MAP3K4: variants seen among roughly 807,000 people sequenced by gnomAD.
The protein encoded by MAP3K4 is mitogen-activated protein kinase kinase kinase 4, also known as MAP three kinase 1.
Under a neutral mutation model 185.6 loss-of-function variants are expected in MAP3K4, and 67 were observed. That is an observed-to-expected ratio of 0.36 (90% confidence interval 0.30 to 0.44). The LOEUF is 0.44. Among genes scored for constraint, MAP3K4 ranks in the 20% least tolerant of loss-of-function variants. The pLI, the probability that MAP3K4 is intolerant of heterozygous loss-of-function variation, is 1.00. For missense variants in MAP3K4, 1,551 were observed against 1,995.1 expected (o/e 0.78, Z 4.24); for synonymous variants, 702 against 710.4 (o/e 0.99, Z 0.19).
chr6:161,066,074 C>G (rs1352533083), intron 3 of MAP3K4, among the ~76,000 whole-genome samples: 1 of 152,062 alleles, frequency 6.6e-6, no homozygotes, highest in Non-Finnish European at 1.5e-5. Flanking sequence ...GATGCGCAAC[C>G]TATATAAGTT....
In MAP3K4 at chr6:161,091,361, A is replaced by G; in HGVS notation, c.2974-18A>G. 1 of 1,599,344 alleles carries G rather than the reference A, an allele frequency of 6.3e-7. No individual in the cohort carries two copies. Among genetic ancestry groups the G allele is most frequent in the Non-Finnish European group, 8.5e-7 (1 of 1,172,574 alleles). On this transcript the variant is annotated intron_variant, in intron 11 of 26. Coordinates refer to ENST00000392142, the MANE Select transcript of MAP3K4 (RefSeq NM_005922.4). The surrounding 1 kb of genome is among the most constrained non-coding windows in gnomAD (Gnocchi z 5.5). Reference sequence around the variant, plus strand: ...TGATTTGCTTCATTTTGCATTAATCATGGTTTGGACTCTTCAGAATGATGC... The same window carrying G: ...TGATTTGCTTCATTTTGCATTAATCGTGGTTTGGACTCTTCAGAATGATGC...
chr6:161,101,773 T>A lies in MAP3K4; in HGVS notation c.3675-119T>A, dbSNP rs1777849339. ...GTCTAATACATTGCTGGAGGCAGAGTTGTTCCTGGCAGGCAGAGTTGCCCC... is the reference window on the plus strand; with the variant it reads ...GTCTAATACATTGCTGGAGGCAGAGATGTTCCTGGCAGGCAGAGTTGCCCC... On this transcript the variant is annotated intron_variant, in intron 17 of 26. Coordinates refer to ENST00000392142, the MANE Select transcript of MAP3K4 (RefSeq NM_005922.4). The surrounding 1 kb of genome is among the most constrained non-coding windows in gnomAD (Gnocchi z 5.1). 1 of 775,734 alleles carries A rather than the reference T, an allele frequency of 1.3e-6. No homozygotes were observed. The highest frequency in any genetic ancestry group is 1.7e-5 in the African/African-American group (1 of 57,634). The allele number at this position is 775,734 out of a possible 1,614,324, so 48.1% of individuals were successfully genotyped here. A position where few individuals can be genotyped will look rare whatever the true frequency, so the allele number is the denominator to read the frequency against.
At chr6:161,021,783 G>T (rs983061294) in intron 1 of MAP3K4, among the ~76,000 whole-genome samples, 2 of 152,180 alleles carry the variant, frequency 1.3e-5, no homozygotes, top group South Asian at 4.1e-4. Flanking sequence ...GTCTGGTGGG[G>T]TCATTGTTGA....
chr6:161,029,805 T>C (rs1782837363), intron 1 of MAP3K4, among the ~76,000 whole-genome samples: 2 of 150,692 alleles, frequency 1.3e-5, no homozygotes, highest in African/African-American at 2.4e-5. Flanking sequence ...CTTTTGAACT[T>C]ACCACTAGTA....
At position 161,106,752 on chromosome 6, in the gene MAP3K4, T is replaced by G; in HGVS notation, c.4048+47T>G. On this transcript the variant is annotated intron_variant, in intron 20 of 26. Coordinates refer to ENST00000392142, the MANE Select transcript of MAP3K4 (RefSeq NM_005922.4). The surrounding 1 kb of genome is among the most constrained non-coding windows in gnomAD (Gnocchi z 4.9). ...ATGTCAAGATAGTCCCTGTTAGAAG[T>G]AGCAATAGTTATACTTCTTTAGGTT... 3 of 1,465,334 alleles carry G rather than the reference T, an allele frequency of 2.0e-6. No individual in the cohort carries two copies. Among genetic ancestry groups the G allele is most frequent in the Non-Finnish European group, 2.8e-6 (3 of 1,072,000 alleles). 90.8% of individuals were successfully genotyped at this position (1,465,334 alleles called of 1,614,324 possible).
At chr6:161,099,911 C>T (rs1417357195) in intron 17 of MAP3K4, among the ~76,000 whole-genome samples, 8 of 152,192 alleles carry the variant, frequency 5.3e-5, no homozygotes, top group African/African-American at 1.7e-4. Flanking sequence ...TCATCTTAAA[C>T]GCTTATCAGT....
At position 161,109,335 on chromosome 6, in the gene MAP3K4, G is replaced by A. The variant is rs1219694565; in HGVS notation, c.4237-420G>A. Among the ~76,000 whole-genome samples, 1 of 151,902 alleles carries A rather than the reference G, an allele frequency of 6.6e-6. No homozygotes were observed. The highest frequency in any genetic ancestry group is 1.5e-5 in the Non-Finnish European group (1 of 67,944). ...ATAACTTGGAGCATCGTGGTGTAGAGCATGAGCTTCCAGGGGAAGTTGGAA... is the reference window on the plus strand; with the variant it reads ...ATAACTTGGAGCATCGTGGTGTAGAACATGAGCTTCCAGGGGAAGTTGGAA... On this transcript the variant is annotated intron_variant, in intron 22 of 26. Coordinates refer to ENST00000392142, the MANE Select transcript of MAP3K4 (RefSeq NM_005922.4). The surrounding 1 kb of genome is among the most constrained non-coding windows in gnomAD (Gnocchi z 5.7).
intron 1 of MAP3K4, among the ~76,000 whole-genome samples, chr6:161,015,836 C>G (rs1782078590): frequency 6.6e-6 from 1 of 152,144 alleles, no homozygotes; most frequent in Non-Finnish European, 1.5e-5. Flanking sequence ...ACACCAGACT[C>G]CTCCCATTAG....
rs371741260 is a variant in MAP3K4 at position 161,054,862 on chromosome 6, T to C, written c.1707+4883T>C. Among the ~76,000 whole-genome samples, 2 of 152,186 alleles carry C rather than the reference T, an allele frequency of 1.3e-5. No homozygotes were observed. Among genetic ancestry groups the C allele is most frequent in the Non-Finnish European group, 2.9e-5 (2 of 68,034 alleles). On this transcript the variant is annotated intron_variant, in intron 3 of 26. Transcript: ENST00000392142. This position sits in a 1 kb window ranked among gnomAD's most constrained non-coding sequence, Gnocchi z 4.2. ...TTTATCCTGGCTGTAAGGACTACCA[T>C]GATGGGAAAAAATAAGAGGAAACCT... is the stretch of plus-strand genomic sequence containing the variant.
At chr6:161,068,861 G>A (rs1191727991) in intron 3 of MAP3K4, among the ~76,000 whole-genome samples, 1 of 152,194 alleles carries the variant, frequency 6.6e-6, no homozygotes, top group Non-Finnish European at 1.5e-5. Context: ...TCTTGAAGAA[G>A]ATAATAGCCG....
At position 161,106,847 on chromosome 6, in the gene MAP3K4, G is replaced by T; in HGVS notation, c.4048+142G>T. 2 of 558,580 alleles carry T rather than the reference G, an allele frequency of 3.6e-6. No homozygotes were observed. The highest frequency in any genetic ancestry group is 2.9e-6 in the Non-Finnish European group (1 of 350,404). The allele number at this position is 558,580 out of a possible 1,614,324, so 34.6% of individuals were successfully genotyped here. A position where few individuals can be genotyped will look rare whatever the true frequency, so the allele number is the denominator to read the frequency against. Reference sequence around the variant, plus strand: ...ATGCATTGTTATCTTTTTGCAAAGTGGTCTGGATTTTTTTTGGTTGTTTAA... The same window carrying T: ...ATGCATTGTTATCTTTTTGCAAAGTTGTCTGGATTTTTTTTGGTTGTTTAA... On this transcript the variant is annotated intron_variant, in intron 20 of 26. Coordinates refer to ENST00000392142, the MANE Select transcript of MAP3K4 (RefSeq NM_005922.4). The surrounding 1 kb of genome is among the most constrained non-coding windows in gnomAD (Gnocchi z 4.9).
Position 161,022,398 on chromosome 6 carries a change from A to AC in MAP3K4, c.153-11859dup, listed in dbSNP as rs1385045077. ...GATGCAGTATCTTATCCAGAGTAAT[A>AC]CCTTTATTTATAGCTGAGGAAATTT... On this transcript the variant is annotated intron_variant, in intron 1 of 26. Transcript: ENST00000392142. The surrounding 1 kb of genome is among the most constrained non-coding windows in gnomAD (Gnocchi z 4.2). 6.6e-6 allele frequency among the ~76,000 whole-genome samples: 1 copy of AC among 152,130 alleles called. No homozygotes were observed. The highest frequency in any genetic ancestry group is 6.5e-5 in the Admixed American group (1 of 15,270).
At position 161,007,467 on chromosome 6, in the gene MAP3K4, C is replaced by T. The variant is rs1024677971; in HGVS notation, c.152+15384C>T. ...TCTTGGAACACAGAACGTGGATTTC[C>T]TATCCATTGCTCTCTTAAGGAGCAC... is the stretch of plus-strand genomic sequence containing the variant. On this transcript the variant is annotated intron_variant, in intron 1 of 26. Transcript: ENST00000392142. The surrounding 1 kb of genome is among the most constrained non-coding windows in gnomAD (Gnocchi z 4.5). Among the ~76,000 whole-genome samples, 1 of 152,170 alleles carries T rather than the reference C, an allele frequency of 6.6e-6. No individual in the cohort carries two copies. The highest frequency in any genetic ancestry group is 1.5e-5 in the Non-Finnish European group (1 of 68,038).
intron 1 of MAP3K4, among the ~76,000 whole-genome samples, chr6:160,992,736 G>A (rs912533759): frequency 2.0e-5 from 3 of 152,300 alleles, no homozygotes; most frequent in African/African-American, 7.2e-5. Flanking sequence ...GCTACTGCAG[G>A]AAGCTCTAAG....
chr6:161,021,371 G>T (rs1583121277), intron 1 of MAP3K4, among the ~76,000 whole-genome samples: 1 of 152,146 alleles, frequency 6.6e-6, no homozygotes, highest in African/African-American at 2.4e-5. Flanking sequence ...GCCCCACCCT[G>T]GGTTGTCATG....
intron 1 of MAP3K4, among the ~76,000 whole-genome samples, chr6:160,992,975 C>T (rs931084178): frequency 6.6e-6 from 1 of 152,114 alleles, no homozygotes; most frequent in African/African-American, 2.4e-5. Context: ...AATGAAAATA[C>T]CTCGGCAGCT....
chr6:161,039,549 G>A (rs1028335431), intron 2 of MAP3K4, among the ~76,000 whole-genome samples: 1 of 152,164 alleles, frequency 6.6e-6, no homozygotes, highest in African/African-American at 2.4e-5. Flanking sequence ...TAATTGTGGT[G>A]CATATGTGTG....
intron 5 of MAP3K4, among the ~76,000 whole-genome samples, chr6:161,079,743 G>GCA (rs1785357793): frequency 6.6e-6 from 1 of 152,264 alleles, no homozygotes; most frequent in Non-Finnish European, 1.5e-5. Flanking sequence ...TGCAGATTCT[G>GCA]CACACACAAC....
intron 3 of MAP3K4, among the ~76,000 whole-genome samples, chr6:161,059,509 C>T (rs753204192): frequency 1.3e-5 from 2 of 152,008 alleles, no homozygotes; most frequent in African/African-American, 4.8e-5. Context: ...CATGTCTTTT[C>T]GTTTGCTTAT....
Sources: gnomAD v4.1 joint callset for allele counts (sites outside exome capture counted in the v4.1 genomes callset) on GRCh38, gnomAD v4.1.1 for gene constraint, Gnocchi (gnomAD v3.1) non-coding constraint, MANE v1.5 for transcripts, NCBI Gene and HGNC (gene_info 2026-07-23, HGNC 2026-07-21) for gene names.